The following NHSL1 variants were observed in gnomAD, a reference collection of about 807,000 sequenced individuals.
The protein encoded by NHSL1 is NHS like 1.
In NHSL1, 48 loss-of-function variants were observed where a neutral mutation model predicts 95.0. That is an observed-to-expected ratio of 0.51 (90% CI 0.40 to 0.64). The LOEUF (loss-of-function observed/expected upper bound fraction) is 0.64. Ranked by LOEUF, NHSL1 falls within the 30% of genes least tolerant of loss-of-function variation. The pLI, the probability that NHSL1 is intolerant of heterozygous loss-of-function variation, is 0.00. For synonymous variants in NHSL1, 783 were observed against 833.9 expected, an observed-to-expected ratio of 0.94 and a Z score of 1.05; for missense variants, 1,971 against 2,077.7, an observed-to-expected ratio of 0.95 and a Z score of 1.00.
intron 1 of NHSL1, among the ~76,000 whole-genome samples, chr6:138,639,949 T>C (rs1784939203): frequency 6.6e-6 from 1 of 151,226 alleles, no homozygotes; most frequent in Non-Finnish European, 1.5e-5. Flanking sequence ...CATAAATACC[T>C]GATAAAGTTC....
Position 138,431,614 on chromosome 6 carries a change from T to C in NHSL1, c.2731A>G (p.Thr911Ala). Residue 911 changes from threonine (T) to alanine (A), a missense_variant, in exon 6 of 8, where the codon ACT becomes GCT. Thr to Ala is a moderately conservative substitution (Grantham distance 58). Coordinates refer to ENST00000343505, the MANE Select transcript of NHSL1 (RefSeq NM_001144060.2). The surrounding 1 kb of genome is among the most constrained non-coding windows in gnomAD (Gnocchi z 4.0). ...TTCTTCATAGTGCCACTTCCTTCAG[T>C]AGAAGTACTAGAAGAAAGAGAAGTG... is the stretch of plus-strand genomic sequence containing the variant. ...SSTSLSSSTSTEGSGTMKKLD... is the reference protein window; with the variant it reads ...SSTSLSSSTSAEGSGTMKKLD... The C allele has an allele frequency of 1.3e-6, 2 of 1,551,490 alleles. No homozygotes were observed. The highest frequency in any genetic ancestry group is 1.7e-6 in the Non-Finnish European group (2 of 1,146,810).
At chr6:138,557,476 G>GC (rs991206126) in intron 1 of NHSL1, among the ~76,000 whole-genome samples, 11 of 152,186 alleles carry the variant, frequency 7.2e-5, no homozygotes, top group Non-Finnish European at 1.5e-5. Context: ...AGAGACAGGT[G>GC]CAAGTACACT....
chr6:138,503,296 C>T (rs1376733032), upstream of NHSL1, among the ~76,000 whole-genome samples: 1 of 152,124 alleles, frequency 6.6e-6, no homozygotes, highest in African/African-American at 2.4e-5. Context: ...CAAAGTCTAA[C>T]CAAGCTTCAA....
intron 1 of NHSL1, among the ~76,000 whole-genome samples, chr6:138,622,369 C>T (rs1784676168): frequency 6.6e-6 from 1 of 151,916 alleles, no homozygotes; most frequent in South Asian, 2.1e-4. Context: ...CCGGGCGTGG[C>T]CGCATGCGCC....
chr6:138,678,365 T>G (rs193218159), intron 1 of NHSL1, among the ~76,000 whole-genome samples: 7 of 152,160 alleles, frequency 4.6e-5, no homozygotes, highest in African/African-American at 1.7e-4. Flanking sequence ...TCAGTGCAGC[T>G]CAAAGAACCA....
chr6:138,620,212 A>G (rs1308256568), intron 1 of NHSL1, among the ~76,000 whole-genome samples: 1 of 152,214 alleles, frequency 6.6e-6, no homozygotes, highest in African/African-American at 2.4e-5. Flanking sequence ...CCAGCCCAGC[A>G]GTGAGGCAAA....
chr6:138,489,985 G>GGAGAGGGGGA (rs1562321883), intron 2 of NHSL1, among the ~76,000 whole-genome samples: 1 of 96,594 alleles, frequency 1.0e-5, no homozygotes, highest in African/African-American at 4.3e-5. Flanking sequence ...GGGGAGAGGG[G>GGAGAGGGGGA]GAGAGAGAGA....
chr6:138,670,013 T>C (rs956791898), intron 1 of NHSL1, among the ~76,000 whole-genome samples: 3 of 152,064 alleles, frequency 2.0e-5, no homozygotes, highest in African/African-American at 7.2e-5. Flanking sequence ...CCCAGCTACT[T>C]GGGAGACTGA....
chr6:138,562,947 TAGG>T (rs1180239570), intron 1 of NHSL1, among the ~76,000 whole-genome samples: 1 of 152,216 alleles, frequency 6.6e-6, no homozygotes, highest in Non-Finnish European at 1.5e-5. Flanking sequence ...GCTTCAAGTC[TAGG>T]AGAAGTATGA....
chr6:138,634,547 C>T (rs75183843), intron 1 of NHSL1, among the ~76,000 whole-genome samples: 2,409 of 151,948 alleles, frequency 0.016, 85 homozygotes, highest in African/African-American at 0.055. Context: ...ACTGAAGCAC[C>T]CAGATATGTA....
At chr6:138,522,801 T>G (rs763851460) in intron 1 of NHSL1, among the ~76,000 whole-genome samples, 1 of 151,984 alleles carries the variant, frequency 6.6e-6, no homozygotes, top group African/African-American at 2.4e-5. Flanking sequence ...CAGAGCAAGA[T>G]CCTGTCTGAA....
chr6:138,429,875 AC>A (rs762829671), intron 6 of NHSL1, 32 bp from the exon 7 acceptor site: 1 of 1,533,966 alleles, frequency 6.5e-7, no homozygotes, highest in South Asian at 1.2e-5. Context: ...TACAAGACGC[AC>A]AAGTGACTGG....
In NHSL1 at chr6:138,432,257, G is replaced by C; in HGVS notation, c.2088C>G (p.Leu696=). The part of the protein sequence containing the change: ...KKSSQCNGQV[L]NESLIATLQH... ...GGAGTGTGGCGATCAGGCTCTCGTT[G>C]AGCACCTGCCCGTTGCACTGGCTGC... is the stretch of plus-strand genomic sequence containing the variant. Residue 696 remains leucine, a synonymous_variant, in exon 6 of 8, where the codon CTC becomes CTG. Coordinates refer to ENST00000343505, the MANE Select transcript of NHSL1 (RefSeq NM_001144060.2). This position sits in a 1 kb window ranked among gnomAD's most constrained non-coding sequence, Gnocchi z 4.4. 3.2e-6 allele frequency: 5 copies of C among 1,550,538 alleles called. No individual in the cohort carries two copies. The highest frequency in any genetic ancestry group is 4.4e-6 in the Non-Finnish European group (5 of 1,146,450).
intron 1 of NHSL1, among the ~76,000 whole-genome samples, chr6:138,681,287 T>C (rs1785508426): frequency 6.6e-6 from 1 of 152,146 alleles, no homozygotes; most frequent in Non-Finnish European, 1.5e-5. Flanking sequence ...CTAGTAAACG[T>C]GGTTATCTGG....
At chr6:138,671,963 G>A (rs1785377494) in intron 1 of NHSL1, among the ~76,000 whole-genome samples, 1 of 149,474 alleles carries the variant, frequency 6.7e-6, no homozygotes, top group Admixed American at 6.7e-5. Context: ...GGTTGAGGAA[G>A]GAAAAAAGGG....
At chr6:138,650,567 G>T in intron 1 of NHSL1, 1 of 593,414 alleles carries the variant, frequency 1.7e-6, no homozygotes. Flanking sequence ...GGAGGTGAGG[G>T]ATTAATCCAA....
chr6:138,661,324 T>C (rs1035001802), intron 1 of NHSL1, among the ~76,000 whole-genome samples: 21 of 152,032 alleles, frequency 1.4e-4, no homozygotes, highest in Admixed American at 9.8e-4. Flanking sequence ...GTACTCTCTG[T>C]AGAAGTTCAA....
chr6:138,579,318 T>C (rs1331165975), intron 1 of NHSL1, among the ~76,000 whole-genome samples: 1 of 152,248 alleles, frequency 6.6e-6, no homozygotes, highest in Non-Finnish European at 1.5e-5. Flanking sequence ...ATTTCCATGT[T>C]ACCTTTTTAT....
intron 1 of NHSL1, among the ~76,000 whole-genome samples, chr6:138,629,059 A>G (rs950905823): frequency 3.9e-5 from 6 of 152,264 alleles, no homozygotes; most frequent in East Asian, 1.9e-4. Context: ...CAGAATTCCA[A>G]TAAAGCACAG....
Sources: allele counts gnomAD v4.1 joint callset (sites outside exome capture counted in the v4.1 genomes callset), GRCh38; gene constraint gnomAD v4.1.1; non-coding constraint Gnocchi (gnomAD v3.1); transcripts MANE v1.5; gene names NCBI Gene and HGNC (gene_info 2026-07-23, HGNC 2026-07-21).